SAMD5: variants seen among roughly 807,000 people sequenced by gnomAD.
SAMD5 encodes the protein sterile alpha motif domain-containing protein 5.
In SAMD5, 13 loss-of-function variants were observed where a neutral mutation model predicts 11.3. The observed-to-expected ratio is 1.15, with a 90% confidence interval of 0.75 to 1.83. The LOEUF is 1.83. Among genes scored for constraint, SAMD5 ranks in the 40% most tolerant of loss-of-function variants. The pLI, the probability that SAMD5 is intolerant of heterozygous loss-of-function variation, is 0.00. For missense variants in SAMD5, 255 were observed against 239.1 expected (o/e 1.07, Z -0.44); for synonymous variants, 129 against 111.3 (o/e 1.16, Z -1.00).
At chr6:147,643,985 G>A (rs919484159) in intron 1 of SAMD5, among the ~76,000 whole-genome samples, 20 of 152,138 alleles carry the variant, frequency 1.3e-4, no homozygotes, top group African/African-American at 3.9e-4. Context: ...GGATTTAAAT[G>A]TCATACATAA....
At chr6:147,691,487 C>T (rs7753649) in intron 1 of SAMD5, among the ~76,000 whole-genome samples, 2 of 151,902 alleles carry the variant, frequency 1.3e-5, no homozygotes, top group African/African-American at 4.8e-5. Flanking sequence ...ACCAAGAGAT[C>T]GTTTGTTACC....
chr6:147,560,839 G>A (rs1489986754), intron 1 of SAMD5, among the ~76,000 whole-genome samples: 1 of 152,148 alleles, frequency 6.6e-6, no homozygotes, highest in Non-Finnish European at 1.5e-5. Flanking sequence ...GAACTGCCTA[G>A]CCTCTGAAAT....
At chr6:147,683,629 A>T (rs1458438514) in intron 1 of SAMD5, among the ~76,000 whole-genome samples, 2 of 152,132 alleles carry the variant, frequency 1.3e-5, no homozygotes, top group Admixed American at 6.5e-5. Flanking sequence ...TGCAAGGTGC[A>T]TGGAAGTGCA....
In SAMD5 at chr6:147,564,429, T is replaced by C. The variant is rs770251978; in HGVS notation, c.495T>C (p.Asn165=). Residue 165 remains asparagine, a synonymous_variant, in exon 2 of 2, where the codon AAT becomes AAC. Transcript: ENST00000367474. The stretch of plus-strand genomic sequence containing the variant: ...CTGGCATCCTAGAGTACTTAATGAA[T>C]TGGCCGAAGTCATCACAGAGCCGCT... ...PMAGILEYLM[N]WPKSSQSR is the part of the protein sequence containing the mutation. 1.3e-5 allele frequency: 10 copies of C among 781,184 alleles called. No individual in the cohort carries two copies. The South Asian group carries it at 1.3e-4, about 10-fold the overall frequency. 48.4% of individuals were successfully genotyped at this position (781,184 alleles called of 1,614,324 possible).
Position 147,540,944 on chromosome 6 carries a change from T to G in SAMD5, c.460-23450T>G, listed in dbSNP as rs796796932. Among the ~76,000 whole-genome samples, 54 of 138,418 alleles carry G rather than the reference T, an allele frequency of 3.9e-4. 1 individual carries two copies. Among genetic ancestry groups the G allele is most frequent in the African/African-American group, 1.4e-3 (51 of 36,462 alleles). The allele number at this position is 138,418 out of a possible 152,430, so 90.8% of individuals were successfully genotyped here. On this transcript the variant is annotated intron_variant, in intron 1 of 1. Transcript: ENST00000367474. ...GGTTCAAGCCACGCGTTTTTTTTTT[T>G]TTTTTTTTTTTTTTTTGAGAAGGAG... is the stretch of plus-strand genomic sequence containing the variant.
intron 1 of SAMD5, among the ~76,000 whole-genome samples, chr6:147,553,402 G>C (rs1788804148): frequency 6.6e-6 from 1 of 152,118 alleles, no homozygotes; most frequent in Non-Finnish European, 1.5e-5. Context: ...TGGCTGGTTT[G>C]GTTTGAGGTA....
intron 1 of SAMD5, among the ~76,000 whole-genome samples, chr6:147,639,403 T>C (rs1335574994): frequency 1.3e-5 from 2 of 152,232 alleles, no homozygotes; most frequent in Non-Finnish European, 2.9e-5. Flanking sequence ...ATGTGAATGG[T>C]ATTTTCAATA....
the SAMD5 span, among the ~76,000 whole-genome samples, chr6:147,860,333 T>G: frequency 6.6e-6 from 1 of 152,196 alleles, no homozygotes; most frequent in Non-Finnish European, 1.5e-5. Context: ...GAACTACATC[T>G]GCAGAGACCC....
chr6:147,748,501 T>A, the SAMD5 span, among the ~76,000 whole-genome samples: 2 of 152,206 alleles, frequency 1.3e-5, no homozygotes, highest in Non-Finnish European at 2.9e-5. Context: ...ACTACATAAG[T>A]GATTTTTATC....
chr6:147,829,875 G>T, the SAMD5 span, among the ~76,000 whole-genome samples: 673 of 152,274 alleles, frequency 4.4e-3, 14 homozygotes, highest in South Asian at 0.038. Flanking sequence ...AAGGGGAGTT[G>T]AAACATAATA....
At chr6:147,733,673 A>G (rs1791752477) in intron 1 of SAMD5, 2 of 266,654 alleles carry the variant, frequency 7.5e-6, no homozygotes, top group Non-Finnish European at 5.8e-6. Context: ...CCCTTATCCA[A>G]GAATTGCTAT....
chr6:147,895,775 G>A, the SAMD5 span, among the ~76,000 whole-genome samples: 2 of 152,256 alleles, frequency 1.3e-5, no homozygotes, highest in South Asian at 2.1e-4. Flanking sequence ...AAATCAAGTG[G>A]CCTATAAGAT....
intron 1 of SAMD5, among the ~76,000 whole-genome samples, chr6:147,698,100 C>T (rs1010224657): frequency 6.6e-6 from 1 of 152,154 alleles, no homozygotes; most frequent in Non-Finnish European, 1.5e-5. Flanking sequence ...ATATGAGAAC[C>T]TTATGCTGCC....
chr6:147,703,083 T>A (rs1010240835), intron 1 of SAMD5, among the ~76,000 whole-genome samples: 1 of 152,188 alleles, frequency 6.6e-6, no homozygotes, highest in Non-Finnish European at 1.5e-5. Flanking sequence ...TGTTTTGTTT[T>A]TTGAGAAGGA....
At chr6:147,714,682 T>C (rs2128458743) in intron 1 of SAMD5, among the ~76,000 whole-genome samples, 1 of 152,340 alleles carries the variant, frequency 6.6e-6, no homozygotes, top group African/African-American at 2.4e-5. Context: ...AATTATATAC[T>C]TTGAATCAGT....
At chr6:147,655,934 A>C (rs956922065) in intron 1 of SAMD5, among the ~76,000 whole-genome samples, 1 of 152,242 alleles carries the variant, frequency 6.6e-6, no homozygotes, top group African/African-American at 2.4e-5. Flanking sequence ...ACAAGGTTAT[A>C]GCAGTTATGG....
chr6:147,805,363 C>A, the SAMD5 span, among the ~76,000 whole-genome samples: 3 of 152,172 alleles, frequency 2.0e-5, no homozygotes, highest in Non-Finnish European at 4.4e-5. Flanking sequence ...ATTGCCCCAT[C>A]TGATCTCAGC....
the SAMD5 span, among the ~76,000 whole-genome samples, chr6:147,860,470 G>T: frequency 6.6e-6 from 1 of 152,136 alleles, no homozygotes; most frequent in African/African-American, 2.4e-5. Context: ...TCTTTAAACA[G>T]GTCAAATATT....
Position 147,537,962 on chromosome 6 carries a change from T to C in SAMD5, c.460-26432T>C, listed in dbSNP as rs367797702. On this transcript the variant is annotated intron_variant, in intron 1 of 1. Coordinates refer to ENST00000367474, the MANE Select transcript of SAMD5 (RefSeq NM_001030060.3). ...ATCGTCTTTGAAAGAGAAAAGTAAA[T>C]TTCATGTTTGTATTAGTGAATTTTT... Among the ~76,000 whole-genome samples the C allele has an allele frequency of 2.8e-3, 427 of 152,254 alleles. 6 individuals carry two copies. Among genetic ancestry groups the C allele is most frequent in the South Asian group, 0.025 (121 of 4,832 alleles).
Sources: allele counts gnomAD v4.1 joint callset (sites outside exome capture counted in the v4.1 genomes callset), GRCh38; gene constraint gnomAD v4.1.1; transcripts MANE v1.5; gene names NCBI Gene and HGNC (gene_info 2026-07-23, HGNC 2026-07-21).